ARHGEF3: variants seen among roughly 807,000 people sequenced by gnomAD.
ARHGEF3 encodes the protein 59.8 kDA protein.
A neutral mutation model predicts 63.2 loss-of-function variants in ARHGEF3; 28 were observed. The observed-to-expected ratio is 0.44, with a 90% CI of 0.33 to 0.61. The LOEUF is 0.61. Ranked by LOEUF, ARHGEF3 falls within the 20% of genes least tolerant of loss-of-function variation. ARHGEF3 has a pLI of 0.03. For synonymous variants in ARHGEF3, 266 were observed against 254.2 expected, an observed-to-expected ratio of 1.05 and a Z score of -0.44; for missense variants, 533 against 659.3, an observed-to-expected ratio of 0.81 and a Z score of 2.10.
chr3:57,001,983 G>A (rs575203149), intron 2 of ARHGEF3, among the ~76,000 whole-genome samples: 6 of 143,436 alleles, frequency 4.2e-5, no homozygotes, highest in Non-Finnish European at 3.0e-5. Context: ...GAGTGCAGTG[G>A]CGTGATCTCG....
chr3:57,061,124 T>C (rs914342668), intron 1 of ARHGEF3, among the ~76,000 whole-genome samples: 1 of 152,158 alleles, frequency 6.6e-6, no homozygotes, highest in Non-Finnish European at 1.5e-5. Context: ...CATTCAGCGG[T>C]AACTCCTCCT....
intron 4 of ARHGEF3, among the ~76,000 whole-genome samples, chr3:56,831,211 C>T (rs2038920818): frequency 6.6e-6 from 1 of 152,218 alleles, no homozygotes; most frequent in South Asian, 2.1e-4. Context: ...GTTTTAATAA[C>T]AGACCCAAGG....
At chr3:56,967,883 A>T (rs1354589845) in intron 2 of ARHGEF3, among the ~76,000 whole-genome samples, 3 of 72,300 alleles carry the variant, frequency 4.1e-5, no homozygotes, top group African/African-American at 1.7e-4. Context: ...ATATAATATA[A>T]ATATATAATA....
At chr3:56,981,274 T>A (rs1701317376) in intron 2 of ARHGEF3, among the ~76,000 whole-genome samples, 1 of 152,248 alleles carries the variant, frequency 6.6e-6, no homozygotes, top group African/African-American at 2.4e-5. Context: ...GGCCTACTCA[T>A]AAGTTTGCAC....
At chr3:56,858,877 T>G (rs2039973187) in intron 4 of ARHGEF3, among the ~76,000 whole-genome samples, 1 of 152,220 alleles carries the variant, frequency 6.6e-6, no homozygotes. Context: ...AAAGTGGATC[T>G]ACATTTTATT....
chr3:56,985,446 C>T (rs984482573), intron 2 of ARHGEF3, among the ~76,000 whole-genome samples: 1 of 152,268 alleles, frequency 6.6e-6, no homozygotes, highest in Non-Finnish European at 1.5e-5. Context: ...CACTGCTGCT[C>T]AGACTGTCCT....
intron 3 of ARHGEF3, among the ~76,000 whole-genome samples, chr3:56,894,004 C>T (rs1380374289): frequency 6.6e-6 from 1 of 152,106 alleles, no homozygotes; most frequent in Admixed American, 6.5e-5. Context: ...ACTCGTGTAG[C>T]AGATACAGCC....
chr3:56,849,068 A>C (rs1201531176), intron 4 of ARHGEF3, among the ~76,000 whole-genome samples: 1 of 152,230 alleles, frequency 6.6e-6, no homozygotes, highest in Non-Finnish European at 1.5e-5. Context: ...TTTATTTAGT[A>C]AAACCACTAA....
At chr3:57,037,500 A>C (rs886567634) in intron 1 of ARHGEF3, among the ~76,000 whole-genome samples, 1 of 152,238 alleles carries the variant, frequency 6.6e-6, no homozygotes, top group Admixed American at 6.5e-5. Context: ...TTGAGGGGCC[A>C]CTGGCTAGTT....
intron 1 of ARHGEF3, among the ~76,000 whole-genome samples, chr3:57,055,282 C>T (rs1423134767): frequency 6.6e-6 from 1 of 151,834 alleles, no homozygotes; most frequent in Admixed American, 6.6e-5. Context: ...CTGCCTCAGC[C>T]TCCTGAGTAG....
chr3:56,801,849 T>A lies in ARHGEF3; in HGVS notation c.-51A>T. 1 of 1,551,538 alleles carries A rather than the reference T, an allele frequency of 6.4e-7. No homozygotes were observed. Among genetic ancestry groups the A allele is most frequent in the Non-Finnish European group, 8.7e-7 (1 of 1,146,976 alleles). ...GATGTCACCGCTGACCCTAGGCGAC[T>A]ACAAAACTCCCAGGCAAAAGGGGGC... On this transcript the variant is annotated 5_prime_UTR_variant, in exon 1 of 10. Transcript: ENST00000296315.
rs183171009 is a variant in ARHGEF3, at chr3:57,024,601, C to T, written c.62+10487G>A. On this transcript the variant is annotated intron_variant, in intron 2 of 12. Transcript: ENST00000338458. ...CTCCCGGGTTCACGCCATTCTCCTGCCTCAGCCTCCCAAGTAGCTGGGACT... is the reference window on the plus strand; with the variant it reads ...CTCCCGGGTTCACGCCATTCTCCTGTCTCAGCCTCCCAAGTAGCTGGGACT... Among the ~76,000 whole-genome samples, 976 of 152,250 alleles carry T rather than the reference C, an allele frequency of 6.4e-3. 13 individuals are homozygous for T. Among genetic ancestry groups the T allele is most frequent in the African/African-American group, 0.022 (906 of 41,540 alleles).
At chr3:56,832,800 T>C (rs1465648471) in intron 4 of ARHGEF3, among the ~76,000 whole-genome samples, 3 of 152,186 alleles carry the variant, frequency 2.0e-5, no homozygotes, top group Non-Finnish European at 2.9e-5. Context: ...ACCACGAATC[T>C]ACTTTCTGTC....
intron 7 of ARHGEF3, among the ~76,000 whole-genome samples, chr3:56,743,029 A>ATGCT (rs780093472): frequency 2.0e-5 from 3 of 152,212 alleles, no homozygotes; most frequent in Non-Finnish European, 2.9e-5. Flanking sequence ...TGAGTAGCTC[A>ATGCT]TGCTCCCTGT....
intron 2 of ARHGEF3, among the ~76,000 whole-genome samples, chr3:57,025,049 C>T (rs939344787): frequency 1.6e-4 from 24 of 152,134 alleles, no homozygotes; most frequent in Admixed American, 1.5e-3. Context: ...AGGTAAATGG[C>T]ACCGCAAAGA....
At chr3:56,921,163 A>G (rs2042128685) in intron 3 of ARHGEF3, among the ~76,000 whole-genome samples, 1 of 151,200 alleles carries the variant, frequency 6.6e-6, no homozygotes, top group East Asian at 1.9e-4. Flanking sequence ...CCGGGAGTTC[A>G]AGACCTGCCT....
chr3:56,810,676 G>T (rs1012807177), intron 4 of ARHGEF3, among the ~76,000 whole-genome samples: 1 of 152,180 alleles, frequency 6.6e-6, no homozygotes, highest in Non-Finnish European at 1.5e-5. Context: ...CATCTGGCCT[G>T]AATTTGAAAA....
intron 2 of ARHGEF3, among the ~76,000 whole-genome samples, chr3:56,971,037 A>T (rs1027287199): frequency 1.3e-5 from 2 of 152,174 alleles, no homozygotes; most frequent in African/African-American, 4.8e-5. Flanking sequence ...CTTCCAGGGA[A>T]CCAGCTCTGG....
chr3:57,030,280 G>A (rs1703679271), intron 2 of ARHGEF3, among the ~76,000 whole-genome samples: 1 of 152,228 alleles, frequency 6.6e-6, no homozygotes, highest in Non-Finnish European at 1.5e-5. Flanking sequence ...CCCTCCAGGA[G>A]AGTAAAGCCT....
Sources: allele counts gnomAD v4.1 joint callset (sites outside exome capture counted in the v4.1 genomes callset), GRCh38; gene constraint gnomAD v4.1.1; transcripts MANE v1.5; gene names NCBI Gene and HGNC (gene_info 2026-07-23, HGNC 2026-07-21).